Variants in DIS3L2 observed in about 807,000 individuals in gnomAD.
DIS3L2 encodes the protein DIS3-like exonuclease 2.
Under a neutral mutation model 97.5 loss-of-function variants are expected in DIS3L2, and 34 were observed. That is an observed-to-expected ratio of 0.35 (90% CI 0.27 to 0.46). The LOEUF is 0.46. DIS3L2 is among the 20% of genes least tolerant of loss of function. DIS3L2 has a pLI of 1.00. For missense variants in DIS3L2, 1,038 were observed against 1,146.0 expected, an observed-to-expected ratio of 0.91 and a Z score of 1.36; for synonymous variants, 435 against 445.2, an observed-to-expected ratio of 0.98 and a Z score of 0.29.
chr2:232,001,645 G>T lies in DIS3L2; in HGVS notation c.-93-13190G>T, dbSNP rs569463338. 6.7e-4 allele frequency among the ~76,000 whole-genome samples: 94 copies of T among 140,676 alleles called. 1 individual carries two copies. The South Asian group carries it at 9.9e-3, about 15-fold the overall frequency. The allele number at this position is 140,676 out of a possible 152,430, so 92.3% of individuals were successfully genotyped here. A position where few individuals can be genotyped will look rare whatever the true frequency, so the allele number is the denominator to read the frequency against. ...AATCTTTGCCCTGATCAATGTCATG[G>T]AACTTTATTTAACTCCATGTTTTTT... On this transcript the variant is annotated intron_variant, in intron 1 of 20. Transcript: ENST00000325385.
chr2:232,304,667 G>A (rs775508947), intron 14 of DIS3L2, among the ~76,000 whole-genome samples: 7 of 152,154 alleles, frequency 4.6e-5, no homozygotes, highest in South Asian at 2.1e-4. Flanking sequence ...TCTTCCTGCC[G>A]TTAGCTGGTT....
intron 5 of DIS3L2, among the ~76,000 whole-genome samples, chr2:232,073,597 G>GA (rs1696097978): frequency 6.6e-6 from 1 of 152,188 alleles, no homozygotes; most frequent in Non-Finnish European, 1.5e-5. Flanking sequence ...TGAGCTCGAG[G>GA]AAAGGTTTTT....
intron 14 of DIS3L2, among the ~76,000 whole-genome samples, chr2:232,324,141 A>G (rs1488025879): frequency 6.6e-6 from 1 of 152,204 alleles, no homozygotes; most frequent in Non-Finnish European, 1.5e-5. Context: ...CCAGCCATGG[A>G]GAAGAGGCCA....
rs111484613 is a variant in DIS3L2 at position 232,166,072 on chromosome 2, CAATAAATAAATA to C, written c.1124+2475_1124+2486del. On this transcript the variant is annotated intron_variant, in intron 9 of 20. Transcript: ENST00000325385. ...GGTCCTTAGTGAGACCCTGTCTCTACAATAAATAAATAAATAAATAAATAAATAAATAAATAA... is the reference window on the plus strand; with the variant it reads ...GGTCCTTAGTGAGACCCTGTCTCTACAATAAATAAATAAATAAATAAATAA... 9.3e-3 allele frequency among the ~76,000 whole-genome samples: 1,278 copies of C among 138,130 alleles called. 9 individuals carry two copies. The highest frequency in any genetic ancestry group is 0.023 in the African/African-American group (874 of 37,782). The allele number at this position is 138,130 out of a possible 152,430, so 90.6% of individuals were successfully genotyped here. A position where few individuals can be genotyped will look rare whatever the true frequency, so the allele number is the denominator to read the frequency against.
At chr2:231,973,258 C>T (rs1193680492) in intron 1 of DIS3L2, among the ~76,000 whole-genome samples, 1 of 149,576 alleles carries the variant, frequency 6.7e-6, no homozygotes, top group Non-Finnish European at 1.5e-5. Context: ...TTCAGAAGAT[C>T]CGTATGTATA....
At chr2:232,040,245 A>G (rs947932066) in intron 5 of DIS3L2, among the ~76,000 whole-genome samples, 2 of 152,228 alleles carry the variant, frequency 1.3e-5, no homozygotes, top group Non-Finnish European at 2.9e-5. Flanking sequence ...TTTAGGTTTC[A>G]GGGAGGCATG....
chr2:231,985,501 A>G (rs1693384942), intron 1 of DIS3L2, among the ~76,000 whole-genome samples: 3 of 152,266 alleles, frequency 2.0e-5, no homozygotes, highest in Admixed American at 2.0e-4. Flanking sequence ...GGTTGTTTTC[A>G]GGATTTGGCT....
chr2:232,095,281 A>G (rs1696972797), intron 6 of DIS3L2, among the ~76,000 whole-genome samples: 1 of 152,090 alleles, frequency 6.6e-6, no homozygotes, highest in South Asian at 2.1e-4. Context: ...CTCTGGTAAT[A>G]TGATATAATT....
intron 6 of DIS3L2, among the ~76,000 whole-genome samples, chr2:232,096,009 CT>C (rs990982300): frequency 6.7e-6 from 1 of 148,596 alleles, no homozygotes; most frequent in Non-Finnish European, 1.5e-5. Flanking sequence ...TTCTTTCTTT[CT>C]TTTTTTCTGC....
At chr2:232,195,523 G>C (rs1691728561) in intron 9 of DIS3L2, among the ~76,000 whole-genome samples, 2 of 120,814 alleles carry the variant, frequency 1.7e-5, no homozygotes, top group South Asian at 2.8e-4. Flanking sequence ...CTGTCCTCTT[G>C]TCTTGAGTCA....
intron 10 of DIS3L2, among the ~76,000 whole-genome samples, chr2:232,224,369 T>G (rs1692584104): frequency 6.6e-6 from 1 of 152,166 alleles, no homozygotes; most frequent in Admixed American, 6.6e-5. Context: ...CTCATAGATC[T>G]GAGTATGAAA....
In DIS3L2 at chr2:232,121,534, C is replaced by A. The variant is rs540314500; in HGVS notation, c.602-9085C>A. Among the ~76,000 whole-genome samples the A allele has an allele frequency of 3.9e-5, 6 of 152,248 alleles. No individual in the cohort carries two copies. The East Asian group carries it at 9.6e-4, about 24-fold the overall frequency. On this transcript the variant is annotated intron_variant, in intron 6 of 20. Transcript: ENST00000325385. Reference sequence around the variant, plus strand: ...GAAGTGCCAGATCTAATATCTGATACCTTAAACTAAAAACTGACTGAATTT... The same window carrying A: ...GAAGTGCCAGATCTAATATCTGATAACTTAAACTAAAAACTGACTGAATTT...
chr2:232,332,104 T>C (rs1026678996), intron 16 of DIS3L2, among the ~76,000 whole-genome samples: 5 of 150,460 alleles, frequency 3.3e-5, no homozygotes, highest in Admixed American at 3.3e-4. Context: ...AAAGCCATGG[T>C]CCCCACCCAT....
intron 10 of DIS3L2, among the ~76,000 whole-genome samples, chr2:232,230,766 C>T (rs1692767147): frequency 6.6e-6 from 1 of 152,134 alleles, no homozygotes; most frequent in African/African-American, 2.4e-5. Flanking sequence ...CTGGTGGCTT[C>T]CCATTGCACT....
intron 9 of DIS3L2, among the ~76,000 whole-genome samples, chr2:232,208,319 T>A (rs1359221712): frequency 6.6e-6 from 1 of 151,944 alleles, no homozygotes; most frequent in Non-Finnish European, 1.5e-5. Context: ...CCTTTTTTGT[T>A]TTTGTGTTTG....
chr2:232,294,162 C>T (rs1003359991), intron 13 of DIS3L2, among the ~76,000 whole-genome samples: 1 of 152,194 alleles, frequency 6.6e-6, no homozygotes, highest in African/African-American at 2.4e-5. Context: ...TCGGTTGGGT[C>T]ACACATCCAT....
At chr2:232,208,008 C>T (rs972824601) in intron 9 of DIS3L2, among the ~76,000 whole-genome samples, 2 of 152,028 alleles carry the variant, frequency 1.3e-5, no homozygotes, top group African/African-American at 4.8e-5. Flanking sequence ...ATCTAGCACC[C>T]GTCGATCAAC....
chr2:232,256,540 C>A (rs1481279209), intron 12 of DIS3L2, among the ~76,000 whole-genome samples: 31 of 152,224 alleles, frequency 2.0e-4, no homozygotes, highest in Admixed American at 2.0e-3. Context: ...ACTTGGGAAT[C>A]CTTTTATTCG....
chr2:232,267,398 C>G (rs533050620), intron 13 of DIS3L2, among the ~76,000 whole-genome samples: 1 of 152,306 alleles, frequency 6.6e-6, no homozygotes, highest in Non-Finnish European at 1.5e-5. Flanking sequence ...GCTTAGAAAG[C>G]AAATGCAGAT....
Sources: gnomAD v4.1 joint callset for allele counts (sites outside exome capture counted in the v4.1 genomes callset) on GRCh38, gnomAD v4.1.1 for gene constraint, MANE v1.5 for transcripts, NCBI Gene and HGNC (gene_info 2026-07-23, HGNC 2026-07-21) for gene names.